FIBCD1: variants seen among roughly 807,000 people sequenced by gnomAD.
FIBCD1 encodes fibrinogen C domain containing 1, also known as fibrinogen C domain-containing protein 1.
Under a neutral mutation model 45.1 loss-of-function variants are expected in FIBCD1, and 47 were observed. That is an observed-to-expected ratio of 1.04 (90% confidence interval 0.82 to 1.33). The LOEUF is 1.33. Ranked by LOEUF, FIBCD1 falls within the 40% of genes most tolerant of loss-of-function variation. FIBCD1 has a pLI of 0.00. For synonymous variants in FIBCD1, 313 were observed against 308.1 expected (o/e 1.02, Z -0.17); for missense variants, 653 against 682.2 (o/e 0.96, Z 0.48).
rs147844527 is a variant in FIBCD1 at position 130,911,175 on chromosome 9, C to T, written c.946+617G>A. 4.0e-4 allele frequency among the ~76,000 whole-genome samples: 61 copies of T among 152,358 alleles called. No individual in the cohort carries two copies. The East Asian group carries it at 7.3e-3, about 18-fold the overall frequency. On this transcript the variant is annotated intron_variant, in intron 5 of 6. Coordinates refer to ENST00000372338, the MANE Select transcript of FIBCD1 (RefSeq NM_032843.5). ...CTGCAACACTCACCGTGAAGGTCTG[C>T]AGTTTCACTCCTGAGCCAGCTAGAC...
chr9:130,914,912 C>A (rs563182310), intron 4 of FIBCD1, among the ~76,000 whole-genome samples: 2 of 152,360 alleles, frequency 1.3e-5, no homozygotes, highest in South Asian at 4.1e-4. Flanking sequence ...CATGTCCCTC[C>A]CCAAACCCTT....
intron 1 of FIBCD1, 102 bp downstream of exon 1, chr9:130,938,434 C>T (rs1032497315): frequency 1.0e-5 from 10 of 992,238 alleles, no homozygotes; most frequent in Admixed American, 4.2e-5. Context: ...CGAAGGGGTG[C>T]GCCCCAAACT....
Position 130,924,259 on chromosome 9 carries a change from G to C in FIBCD1, c.690C>G (p.Thr230=). 6.3e-7 allele frequency: 1 copy of C among 1,598,702 alleles called. No homozygotes were observed. The highest frequency in any genetic ancestry group is 8.5e-7 in the Non-Finnish European group (1 of 1,174,172). Residue 230 remains threonine (T), a synonymous_variant, in exon 3 of 7, where the codon ACC becomes ACG. Coordinates refer to ENST00000372338, the MANE Select transcript of FIBCD1 (RefSeq NM_032843.5). ...CACCAGTGGCACAGCCCCGGGGCCGGGTTCCCCGGGCAGGCGCTCTCTGAA... is the reference window on the plus strand; with the variant it reads ...CACCAGTGGCACAGCCCCGGGGCCGCGTTCCCCGGGCAGGCGCTCTCTGAA... ...ADLQRAPARG[T]RPRGCATGSR...
intron 4 of FIBCD1, among the ~76,000 whole-genome samples, chr9:130,921,609 G>A (rs1832262102): frequency 6.6e-6 from 1 of 152,104 alleles, no homozygotes; most frequent in Non-Finnish European, 1.5e-5. Flanking sequence ...AATCCTGATT[G>A]ACTTCCCGGG....
rs373122982 is a variant in FIBCD1, at chr9:130,929,899, T to C, written c.220A>G (p.Ser74Gly). The C allele has an allele frequency of 4.5e-6, 7 of 1,549,478 alleles. No homozygotes were observed. The highest frequency in any genetic ancestry group is 6.1e-6 in the Non-Finnish European group (7 of 1,146,562). The part of the protein sequence containing the change: ...PPPVVSTGAA[S>G]ANSALVTVER... ...ACAGTGACCAGGGCGCTGTTGGCGC[T>C]GGCAGCCCCAGTGCTGACGACAGGT... Residue 74 changes from serine (S) to glycine (G), a missense_variant, in exon 2 of 7, where the codon AGC (serine) becomes GGC (glycine). By Grantham distance (56) the Ser-to-Gly change is moderately conservative. Coordinates refer to ENST00000372338, the MANE Select transcript of FIBCD1 (RefSeq NM_032843.5).
chr9:130,912,001 T>G (rs896934089), intron 4 of FIBCD1, 113 bp from the exon 5 acceptor site: 10 of 920,040 alleles, frequency 1.1e-5, no homozygotes, highest in Non-Finnish European at 8.2e-6. Context: ...ACCTGCCCTC[T>G]CGGGAGGGCA....
chr9:130,906,893 C>T (rs1831938511), intron 5 of FIBCD1, among the ~76,000 whole-genome samples: 2 of 152,208 alleles, frequency 1.3e-5, no homozygotes, highest in East Asian at 3.9e-4. Flanking sequence ...TATCCAGGTG[C>T]TGACTGCTGC....
Position 130,912,014 on chromosome 9 carries a change from G to T in FIBCD1, c.850-126C>A, listed in dbSNP as rs564014410. 49 of 810,130 alleles carry T rather than the reference G, an allele frequency of 6.0e-5. No homozygotes were observed. In the South Asian group the frequency reaches 8.4e-4, roughly 14 times the overall value. 50.2% of individuals were successfully genotyped at this position (810,130 alleles called of 1,614,324 possible). A position where few individuals can be genotyped will look rare whatever the true frequency, so the allele number is the denominator to read the frequency against. On this transcript the variant is annotated intron_variant, in intron 4 of 6. Coordinates refer to ENST00000372338, the MANE Select transcript of FIBCD1 (RefSeq NM_032843.5). ...CAACCTGCCCTCTCGGGAGGGCAGGGGCCTGGTTGCCCACTTCCCGCAACG... is the reference window on the plus strand; with the variant it reads ...CAACCTGCCCTCTCGGGAGGGCAGGTGCCTGGTTGCCCACTTCCCGCAACG...
chr9:130,938,483 C>T, intron 1 of FIBCD1, 53 bp downstream of exon 1: 8 of 1,400,602 alleles, frequency 5.7e-6, no homozygotes, highest in Non-Finnish European at 7.5e-6. Flanking sequence ...CCGGCCCGAG[C>T]GGCCACCGCC....
chr9:130,913,202 C>T (rs1391365309), intron 4 of FIBCD1, among the ~76,000 whole-genome samples: 3 of 151,676 alleles, frequency 2.0e-5, no homozygotes, highest in African/African-American at 7.3e-5. Flanking sequence ...GCTGACAATC[C>T]GTCCCAGCCG....
rs150449739 is a variant in FIBCD1 at position 130,923,855 on chromosome 9, G to A, written c.738C>T (p.Asp246=). The A allele has an allele frequency of 1.0e-4, 164 of 1,612,720 alleles. No individual in the cohort carries two copies. In the African/African-American group the frequency reaches 1.6e-3, roughly 16 times the overall value. ...CGTCCTGCTGTCCGCTTAGGAGGAC[G>A]TCCAGACAGTCTCGGGGCCGGGAGC... The part of the protein sequence containing the change: ...ATGSRPRDCL[D]VLLSGQQDDG... Residue 246 remains aspartate, a synonymous_variant, in exon 4 of 7, where the codon GAC becomes GAT. Coordinates refer to ENST00000372338, the MANE Select transcript of FIBCD1 (RefSeq NM_032843.5).
intron 4 of FIBCD1, among the ~76,000 whole-genome samples, chr9:130,914,788 C>A (rs1832128165): frequency 6.6e-6 from 1 of 152,238 alleles, no homozygotes; most frequent in East Asian, 1.9e-4. Flanking sequence ...GACCCCAGCC[C>A]TGCCCTGACT....
chr9:130,918,958 C>T (rs1034276163), intron 4 of FIBCD1, among the ~76,000 whole-genome samples: 2 of 152,236 alleles, frequency 1.3e-5, no homozygotes, highest in African/African-American at 4.8e-5. Context: ...ACCCTCCCTG[C>T]AGAGCCAGCT....
chr9:130,925,358 G>A (rs1241912688), intron 2 of FIBCD1, among the ~76,000 whole-genome samples: 6 of 152,152 alleles, frequency 3.9e-5, no homozygotes, highest in East Asian at 1.9e-4. Context: ...AAAGGGGCCC[G>A]GGGCTGTGTT....
At chr9:130,908,443 G>A (rs1831974772) in intron 5 of FIBCD1, among the ~76,000 whole-genome samples, 2 of 152,348 alleles carry the variant, frequency 1.3e-5, no homozygotes, top group South Asian at 4.1e-4. Context: ...CTGCCGCCTT[G>A]TCCTTATCTT....
intron 5 of FIBCD1, among the ~76,000 whole-genome samples, chr9:130,908,608 C>G (rs1161652647): frequency 6.6e-6 from 1 of 152,214 alleles, no homozygotes; most frequent in Non-Finnish European, 1.5e-5. Flanking sequence ...GACAAGGGAC[C>G]TCCCTTTCCT....
At chr9:130,933,232 C>T (rs1018485873) in intron 1 of FIBCD1, among the ~76,000 whole-genome samples, 3 of 152,210 alleles carry the variant, frequency 2.0e-5, no homozygotes, top group African/African-American at 4.8e-5. Flanking sequence ...TATGGGCTGC[C>T]GTTTACGTGC....
rs879274333 is a variant in FIBCD1 at position 130,938,673 on chromosome 9, TGGGCGC to T, written c.-72_-67del. The T allele has an allele frequency of 7.7e-3, 8,645 of 1,124,646 alleles. 45 individuals carry two copies. The highest frequency in any genetic ancestry group is 0.01 in the African/African-American group (631 of 60,698). The allele number at this position is 1,124,646 out of a possible 1,614,324, so 69.7% of individuals were successfully genotyped here. A position where few individuals can be genotyped will look rare whatever the true frequency, so the allele number is the denominator to read the frequency against. The stretch of plus-strand genomic sequence containing the variant: ...GCTGCGGAGCGCAAAGGAGACGGGG[TGGGCGC>T]GGGCGCGGGCGCGGGGCGCGCTCTG... On this transcript the variant is annotated 5_prime_UTR_variant, in exon 1 of 7. Coordinates refer to ENST00000372338, the MANE Select transcript of FIBCD1 (RefSeq NM_032843.5).
chr9:130,926,736 C>T lies in FIBCD1; in HGVS notation c.553-2340G>A, dbSNP rs1194918209. Among the ~76,000 whole-genome samples the T allele has an allele frequency of 6.6e-6, 1 of 152,110 alleles. No homozygotes were observed. Among genetic ancestry groups the T allele is most frequent in the Non-Finnish European group, 1.5e-5 (1 of 68,024 alleles). Reference sequence around the variant, plus strand: ...ACTCAGGAGGCTGAGGCAGGAGAATCGCTTGAACCTGGGAGGCGGAGGTTG... The same window carrying T: ...ACTCAGGAGGCTGAGGCAGGAGAATTGCTTGAACCTGGGAGGCGGAGGTTG... On this transcript the variant is annotated intron_variant, in intron 2 of 6. Transcript: ENST00000372338. The surrounding 1 kb of genome is among the most constrained non-coding windows in gnomAD (Gnocchi z 4.1).
Sources: allele counts gnomAD v4.1 joint callset (sites outside exome capture counted in the v4.1 genomes callset), GRCh38; gene constraint gnomAD v4.1.1; non-coding constraint Gnocchi (gnomAD v3.1); transcripts MANE v1.5; gene names NCBI Gene and HGNC (gene_info 2026-07-23, HGNC 2026-07-21).